The following TANC2 variants were observed in gnomAD, a reference collection of about 807,000 sequenced individuals.
TANC2 encodes tetratricopeptide repeat, ankyrin repeat and coiled-coil containing 2.
Under a neutral mutation model 210.5 loss-of-function variants are expected in TANC2, and 26 were observed. The observed-to-expected ratio is 0.12, with a 90% CI of 0.09 to 0.17. The LOEUF (loss-of-function observed/expected upper bound fraction) is 0.17. Ranked by LOEUF, TANC2 falls within the 10% of genes least tolerant of loss-of-function variation. The pLI, the probability that TANC2 is intolerant of heterozygous loss-of-function variation, is 1.00. For missense variants in TANC2, 2,129 were observed against 2,608.9 expected (o/e 0.82, Z 4.01); for synonymous variants, 931 against 967.1 (o/e 0.96, Z 0.69).
chr17:63,239,985 G>T (rs896615092), intron 8 of TANC2, among the ~76,000 whole-genome samples: 1 of 152,092 alleles, frequency 6.6e-6, no homozygotes, highest in Non-Finnish European at 1.5e-5. Context: ...CATATTACAA[G>T]AACAGCAAGG....
At chr17:63,355,183 T>C in exon 14 of TANC2, 1 of 1,613,850 alleles carries the variant, frequency 6.2e-7, no homozygotes, top group Non-Finnish European at 8.5e-7. Flanking sequence ...CTCCACCCAC[T>C]GACTGATGAG....
chr17:63,138,021 G>A (rs2039151382), intron 4 of TANC2, among the ~76,000 whole-genome samples: 1 of 152,136 alleles, frequency 6.6e-6, no homozygotes, highest in East Asian at 1.9e-4. Context: ...GCATATTCCA[G>A]CTTTCCTTGC....
At chr17:63,351,206 A>G in intron 12 of TANC2, 44 bp from the exon 13 acceptor site, 1 of 1,512,154 alleles carries the variant, frequency 6.6e-7, no homozygotes, top group Non-Finnish European at 8.9e-7. Flanking sequence ...GAACTCATTT[A>G]TCCACTTGGT....
At chr17:63,179,488 A>C (rs2040703564) in intron 5 of TANC2, among the ~76,000 whole-genome samples, 1 of 152,222 alleles carries the variant, frequency 6.6e-6, no homozygotes, top group South Asian at 2.1e-4. Context: ...TGCATTTAGA[A>C]AAGTACAGTA....
At chr17:63,405,085 G>C (rs1469571265) in intron 19 of TANC2, 37 bp from the exon 20 acceptor site, 1 of 1,579,976 alleles carries the variant, frequency 6.3e-7, no homozygotes, top group Non-Finnish European at 8.7e-7. Flanking sequence ...GAGAGGACCA[G>C]AACCACCTAT....
intron 16 of TANC2, 122 bp downstream of exon 16, chr17:63,388,879 A>G (rs2047871110): frequency 1.5e-6 from 1 of 670,736 alleles, no homozygotes; most frequent in East Asian, 3.3e-5. Context: ...CCTTTTATTG[A>G]TAATTTAATA....
rs528929970 is a variant in TANC2, at chr17:62,977,515, A to T, written c.-24+10766A>T. On this transcript the variant is annotated intron_variant, in intron 1 of 27. Coordinates refer to ENST00000689528, the Ensembl canonical transcript of TANC2. ...GTCTTCTCCTTGCTTTAGATAATTT[A>T]ATTGTTTTTGTCTTTGGATATGTTA... Among the ~76,000 whole-genome samples the T allele has an allele frequency of 9.6e-4, 146 of 152,248 alleles. 1 individual carries two copies. Among genetic ancestry groups the T allele is most frequent in the African/African-American group, 3.5e-3 (144 of 41,526 alleles).
chr17:63,080,449 G>A (rs752896782), intron 3 of TANC2, among the ~76,000 whole-genome samples: 2 of 152,230 alleles, frequency 1.3e-5, no homozygotes, highest in African/African-American at 2.4e-5. Context: ...TGTACAAGAT[G>A]TGTACTGGTG....
At chr17:63,151,245 GCTCT>G (rs778087750) in intron 4 of TANC2, 21 bp from the exon 5 acceptor site, 20 of 923,250 alleles carry the variant, frequency 2.2e-5, no homozygotes, top group South Asian at 5.0e-5. Context: ...TCTCTTGCTT[GCTCT>G]CTCTCTCTTT....
chr17:63,108,588 G>A (rs978786554), intron 4 of TANC2, among the ~76,000 whole-genome samples: 1 of 151,700 alleles, frequency 6.6e-6, no homozygotes, highest in African/African-American at 2.4e-5. Flanking sequence ...GAGGCGGGCA[G>A]ATCAGAGGCC....
chr17:63,120,203 C>T (rs2038409881), intron 4 of TANC2, among the ~76,000 whole-genome samples: 1 of 151,530 alleles, frequency 6.6e-6, no homozygotes, highest in African/African-American at 2.4e-5. Context: ...ATTATATATT[C>T]CTTAAAGATT....
chr17:63,287,615 A>C (rs182488040), intron 9 of TANC2, among the ~76,000 whole-genome samples: 10 of 152,148 alleles, frequency 6.6e-5, no homozygotes. Flanking sequence ...AGCAGCATGT[A>C]TTCCAGGTCT....
intron 3 of TANC2, among the ~76,000 whole-genome samples, chr17:63,095,857 A>G (rs746612171): frequency 6.6e-6 from 1 of 152,212 alleles, no homozygotes; most frequent in Non-Finnish European, 1.5e-5. Flanking sequence ...GACAAAGAAG[A>G]TGGAAGAAAA....
chr17:63,215,841 C>T (rs971853041), intron 7 of TANC2, among the ~76,000 whole-genome samples: 2 of 152,080 alleles, frequency 1.3e-5, no homozygotes, highest in Non-Finnish European at 2.9e-5. Context: ...GCTCCACCTC[C>T]TGGGTTCACG....
intron 1 of TANC2, among the ~76,000 whole-genome samples, chr17:63,002,481 C>G (rs1369822625): frequency 6.6e-6 from 1 of 152,144 alleles, no homozygotes; most frequent in Non-Finnish European, 1.5e-5. Flanking sequence ...TGATGCATTT[C>G]AAAGTAATAA....
chr17:63,367,595 A>G (rs1403563030), intron 14 of TANC2, among the ~76,000 whole-genome samples: 1 of 152,204 alleles, frequency 6.6e-6, no homozygotes, highest in Non-Finnish European at 1.5e-5. Context: ...CAAAGAGGAA[A>G]TACTTTTCAG....
intron 2 of TANC2, among the ~76,000 whole-genome samples, chr17:63,062,960 A>G (rs956231686): frequency 2.0e-5 from 3 of 152,212 alleles, no homozygotes; most frequent in African/African-American, 7.2e-5. Flanking sequence ...TTAAGGGCTC[A>G]GTCCCACAAA....
chr17:63,069,462 G>T (rs2036319088), intron 2 of TANC2, among the ~76,000 whole-genome samples: 1 of 152,142 alleles, frequency 6.6e-6, no homozygotes, highest in African/African-American at 2.4e-5. Flanking sequence ...TGTCACATGT[G>T]TTAGCTCATT....
chr17:63,220,636 G>A lies in TANC2; in HGVS notation c.770-17178G>A, dbSNP rs1376452738. On this transcript the variant is annotated intron_variant, in intron 7 of 27. Coordinates refer to ENST00000689528, the Ensembl canonical transcript of TANC2. ...GGCGAATTGCTTCAACCCGTGAGGC[G>A]GAGGTTGCAGTGAGCTGAGATCGCG... 8.0e-5 allele frequency among the ~76,000 whole-genome samples: 12 copies of A among 149,188 alleles called. No individual in the cohort carries two copies. The East Asian group carries it at 1.4e-3, about 17-fold the overall frequency.
Sources: allele counts gnomAD v4.1 joint callset (sites outside exome capture counted in the v4.1 genomes callset), GRCh38; gene constraint gnomAD v4.1.1; transcripts MANE v1.5; gene names NCBI Gene and HGNC (gene_info 2026-07-23, HGNC 2026-07-21).